The following PCLO variants were observed in gnomAD, a reference collection of about 807,000 sequenced individuals.
PCLO encodes the protein protein piccolo.
Under a neutral mutation model 427.5 loss-of-function variants are expected in PCLO, and 82 were observed. That is an observed-to-expected ratio of 0.19 (90% CI 0.16 to 0.23). The LOEUF (loss-of-function observed/expected upper bound fraction) is 0.23, where lower values mean the gene tolerates loss of function less well. Among genes scored for constraint, PCLO ranks in the 10% least tolerant of loss-of-function variants. The pLI, the probability that PCLO is intolerant of heterozygous loss-of-function variation, is 1.00. For missense variants in PCLO, 6,239 were observed against 6,115.9 expected, an observed-to-expected ratio of 1.02 and a Z score of -0.67; for synonymous variants, 2,357 against 2,155.4, an observed-to-expected ratio of 1.09 and a Z score of -2.59.
chr7:83,001,659 G>T (rs1395671500), intron 3 of PCLO, among the ~76,000 whole-genome samples: 1 of 152,020 alleles, frequency 6.6e-6, no homozygotes, highest in African/African-American at 2.4e-5. Context: ...TTCTCATGAA[G>T]CTATACTCAG....
rs890803060 is a variant in PCLO at position 82,949,837 on chromosome 7, G to T, written c.10751C>A (p.Thr3584Lys). Residue 3584 changes from threonine to lysine, a missense_variant, in exon 6 of 25, where the codon ACA (threonine) becomes AAA (lysine). By Grantham distance (78) the Thr-to-Lys change is moderately conservative. Coordinates refer to ENST00000333891, the MANE Select transcript of PCLO (RefSeq NM_033026.6). ...DTQSPQYLSA[T>K]SPPKDKKRPT... Reference sequence around the variant, plus strand: ...GCGTTTCTTGTCTTTGGGTGGAGATGTGGCACTCAGATATTGAGGACTTTG... The same window carrying T: ...GCGTTTCTTGTCTTTGGGTGGAGATTTGGCACTCAGATATTGAGGACTTTG... 1 of 1,613,744 alleles carries T rather than the reference G, an allele frequency of 6.2e-7. No individual in the cohort carries two copies. Among genetic ancestry groups the T allele is most frequent in the African/African-American group, 1.3e-5 (1 of 74,958 alleles).
chr7:82,944,782 G>C (rs1584192870), intron 6 of PCLO, among the ~76,000 whole-genome samples: 1 of 152,170 alleles, frequency 6.6e-6, no homozygotes, highest in Non-Finnish European at 1.5e-5. Context: ...ATGTCCATCT[G>C]AGAAAAAGAG....
At chr7:82,863,660 C>A (rs901971418) in intron 10 of PCLO, among the ~76,000 whole-genome samples, 6 of 151,976 alleles carry the variant, frequency 3.9e-5, no homozygotes, top group Non-Finnish European at 7.4e-5. Context: ...ACAGCAATTT[C>A]TGCCAACTGA....
At chr7:82,831,146 A>G (rs1169686412) in intron 16 of PCLO, among the ~76,000 whole-genome samples, 1 of 152,116 alleles carries the variant, frequency 6.6e-6, no homozygotes, top group East Asian at 1.9e-4. Context: ...TACTCATATT[A>G]ACCCCATTAT....
chr7:83,056,587 C>G (rs1384869967), intron 3 of PCLO, among the ~76,000 whole-genome samples: 1 of 152,134 alleles, frequency 6.6e-6, no homozygotes, highest in Non-Finnish European at 1.5e-5. Flanking sequence ...AGCTCCTACT[C>G]TCATCTATAT....
chr7:82,916,637 T>A lies in PCLO; in HGVS notation c.11349A>T (p.Lys3783Asn). 2 of 1,613,698 alleles carry A rather than the reference T, an allele frequency of 1.2e-6. No individual in the cohort carries two copies. Among genetic ancestry groups the A allele is most frequent in the Non-Finnish European group, 1.7e-6 (2 of 1,179,754 alleles). Residue 3783 changes from lysine to asparagine, a missense_variant, in exon 7 of 25, where the codon AAA becomes AAT. This residue lies in a region of PCLO where 4,677 missense variants were observed against 4,468.4 expected (regional missense o/e 1.05). Coordinates refer to ENST00000333891, the MANE Select transcript of PCLO (RefSeq NM_033026.6). Reference protein sequence around the residue: ...VERESAKLRKKQAELDEEEKE... With the variant: ...VERESAKLRKNQAELDEEEKE... ...TTTCTTCTTCATCAAGCTCTGCTTG[T>A]TTCTTTCGAAGTTTTGCAGACTCCC...
At chr7:82,841,364 GA>G in intron 14 of PCLO, 94 bp downstream of exon 14, 1 of 757,800 alleles carries the variant, frequency 1.3e-6, no homozygotes. Context: ...TACAGAATAA[GA>G]AAAATCCTAA....
chr7:82,995,004 C>T (rs1796463665), intron 3 of PCLO, among the ~76,000 whole-genome samples: 1 of 151,740 alleles, frequency 6.6e-6, no homozygotes, highest in South Asian at 2.1e-4. Flanking sequence ...AATATTTTGA[C>T]CTCCAATATT....
At position 82,757,571 on chromosome 7, in the gene PCLO, G is replaced by C. The variant is rs1790344668; in HGVS notation, c.*1004C>G. ...CAATGTCACAAGATTAATATGGTTT[G>C]TTTGCCAGAGAAAGAATTTTCTTTC... On this transcript the variant is annotated 3_prime_UTR_variant, in exon 25 of 25. Coordinates refer to ENST00000333891, the MANE Select transcript of PCLO (RefSeq NM_033026.6). 1 of 151,914 alleles carries C rather than the reference G, an allele frequency of 6.6e-6. No homozygotes were observed. The highest frequency in any genetic ancestry group is 2.4e-5 in the African/African-American group (1 of 41,408). 9.4% of individuals were successfully genotyped at this position (151,914 alleles called of 1,614,324 possible). A position where few individuals can be genotyped will look rare whatever the true frequency, so the allele number is the denominator to read the frequency against.
At chr7:83,000,283 G>T (rs1420636414) in intron 3 of PCLO, among the ~76,000 whole-genome samples, 1 of 150,830 alleles carries the variant, frequency 6.6e-6, no homozygotes, top group Non-Finnish European at 1.5e-5. Context: ...GAGAGAGAGA[G>T]AGAGAGAGAG....
At chr7:82,845,214 A>C in intron 13 of PCLO, 57 bp downstream of exon 13, 1 of 1,143,280 alleles carries the variant, frequency 8.7e-7, no homozygotes, top group Non-Finnish European at 1.3e-6. Context: ...TTCTGTCTCT[A>C]TGCTGAATAA....
chr7:83,106,833 C>T (rs1790869698), intron 3 of PCLO, among the ~76,000 whole-genome samples: 1 of 152,070 alleles, frequency 6.6e-6, no homozygotes, highest in Non-Finnish European at 1.5e-5. Flanking sequence ...AAGGTATAAA[C>T]ACCCTTCATT....
chr7:82,832,491 G>A (rs571974614), intron 16 of PCLO, among the ~76,000 whole-genome samples: 1 of 152,094 alleles, frequency 6.6e-6, no homozygotes, highest in East Asian at 1.9e-4. Context: ...CTGACCCCAT[G>A]AACCACCCTC....
Position 83,155,821 on chromosome 7 carries a change from G to A in PCLO, c.820C>T (p.Leu274Phe). Residue 274 changes from leucine to phenylalanine, a missense_variant, in exon 2 of 25, where the codon CTT becomes TTT. Physicochemically the swap from Leu to Phe is conservative, Grantham distance 22 (BLOSUM62 0). This residue lies in a region of PCLO where 4,677 missense variants were observed against 4,468.4 expected (regional missense o/e 1.05). Coordinates refer to ENST00000333891, the MANE Select transcript of PCLO (RefSeq NM_033026.6). ...TGAGGCCTGGATGCATCTCGTTGAA[G>A]TGGCAATTTTGCATGGTCTGTCTGA... ...TPQTDHAKLP[L>F]QRDASRPQTK... 2 of 1,613,960 alleles carry A rather than the reference G, an allele frequency of 1.2e-6. No individual in the cohort carries two copies. Among genetic ancestry groups the A allele is most frequent in the South Asian group, 1.1e-5 (1 of 91,082 alleles).
At chr7:83,114,118 T>G (rs1269020917) in intron 3 of PCLO, among the ~76,000 whole-genome samples, 1 of 152,098 alleles carries the variant, frequency 6.6e-6, no homozygotes, top group Non-Finnish European at 1.5e-5. Context: ...AAGCCTGCAT[T>G]TCACTCTACA....
In PCLO at chr7:82,949,578, C is replaced by T; in HGVS notation, c.11010G>A (p.Lys3670=). Residue 3670 remains lysine (K), a synonymous_variant, in exon 6 of 25, where the codon AAG becomes AAA. Coordinates refer to ENST00000333891, the MANE Select transcript of PCLO (RefSeq NM_033026.6). ...TAGAACGCTGCATCATCTTGGCTGT[C>T]TTAGGACTTGCTGGGGGAACTTTAG... ...DMAKVPPASP[K]TAKMMQRSMS... is the part of the protein sequence containing the mutation. The T allele has an allele frequency of 6.2e-7, 1 of 1,613,862 alleles. No individual in the cohort carries two copies. Among genetic ancestry groups the T allele is most frequent in the Non-Finnish European group, 8.5e-7 (1 of 1,179,848 alleles).
intron 9 of PCLO, among the ~76,000 whole-genome samples, chr7:82,887,478 T>G (rs1254255154): frequency 6.6e-6 from 1 of 152,176 alleles, no homozygotes; most frequent in African/African-American, 2.4e-5. Context: ...TGTGAATGTC[T>G]TCACTCTCAT....
chr7:83,059,556 A>G (rs192819438), intron 3 of PCLO, among the ~76,000 whole-genome samples: 61 of 151,880 alleles, frequency 4.0e-4, no homozygotes, highest in African/African-American at 1.4e-3. Context: ...TTGACAAAAA[A>G]TAAGAGAAAG....
chr7:82,885,444 C>T (rs998596210), intron 9 of PCLO, among the ~76,000 whole-genome samples: 1 of 152,026 alleles, frequency 6.6e-6, no homozygotes, highest in African/African-American at 2.4e-5. Context: ...ATCAGGGAAC[C>T]CAGTTAAGCC....
Sources: allele counts gnomAD v4.1 joint callset (sites outside exome capture counted in the v4.1 genomes callset), GRCh38; gene constraint gnomAD v4.1.1; regional missense constraint gnomAD v4.1.1; transcripts MANE v1.5; gene names NCBI Gene and HGNC (gene_info 2026-07-23, HGNC 2026-07-21).